The following SHPRH variants were observed in gnomAD, a reference collection of about 807,000 sequenced individuals.
SHPRH encodes the protein E3 ubiquitin-protein ligase SHPRH.
SHPRH carries 106 observed loss-of-function variants against 202.5 expected under a neutral mutation model. The ratio of observed to expected loss-of-function variants is 0.52; its 90% CI spans 0.45 to 0.62. The LOEUF (loss-of-function observed/expected upper bound fraction) is 0.62. Ranked by LOEUF, SHPRH falls within the 20% of genes least tolerant of loss-of-function variation. SHPRH has a pLI of 0.00. For missense variants in SHPRH, 1,710 were observed against 2,020.0 expected, an observed-to-expected ratio of 0.85 and a Z score of 2.94; for synonymous variants, 729 against 686.0, an observed-to-expected ratio of 1.06 and a Z score of -0.98.
At position 145,945,649 on chromosome 6, in the gene SHPRH, AG is replaced by A; in HGVS notation, c.1322-13del. On this transcript the variant is annotated splice_polypyrimidine_tract_variant and intron_variant, in intron 7 of 29. Coordinates refer to ENST00000275233, the MANE Select transcript of SHPRH (RefSeq NM_001042683.3). ...CATCACACGTGTAGCTAAATGTAAA[AG>A]GATATGCTAAATCAGTCAAAATAAT... 6.3e-7 allele frequency: 1 copy of A among 1,588,822 alleles called. No homozygotes were observed.
At chr6:145,877,625 T>C (rs1284936657) in intron 2 of SHPRH, 2 of 152,234 alleles carry the variant, frequency 1.3e-5, no homozygotes, top group Non-Finnish European at 2.9e-5. Context: ...TTTTATTTTC[T>C]TTCCTTTCTT....
intron 3 of SHPRH, among the ~76,000 whole-genome samples, chr6:145,950,768 G>A (rs1471550957): frequency 6.6e-6 from 1 of 151,964 alleles, no homozygotes; most frequent in Non-Finnish European, 1.5e-5. Context: ...TAATCTATCT[G>A]GTACTGCAAA....
downstream of SHPRH, among the ~76,000 whole-genome samples, chr6:145,881,276 T>G (rs1217050619): frequency 1.3e-5 from 2 of 152,194 alleles, no homozygotes; most frequent in Admixed American, 1.3e-4. Context: ...TCCCCAAGAC[T>G]GGGTAATTTA....
In SHPRH at chr6:145,943,176, G is replaced by A. The variant is rs1786980339; in HGVS notation, c.2205C>T (p.Asn735=). Residue 735 remains asparagine (N), a synonymous_variant, in exon 9 of 30, where the codon AAC becomes AAT. Transcript: ENST00000275233. ...GAAGAGATGACGACCTCACATGCCT[G>A]TTGATCTCATCCACCCACTGGTGAC... ...SICHQWVDEI[N]RHVRSSSLRV... The A allele has an allele frequency of 1.2e-6, 2 of 1,610,416 alleles. No individual in the cohort carries two copies. The highest frequency in any genetic ancestry group is 3.3e-5 in the Admixed American group (2 of 59,774).
Position 145,937,022 on chromosome 6 carries a change from C to T in SHPRH, c.2570-1581G>A, listed in dbSNP as rs9399570. ...TTTTTGAGACAGAGTCTTGCTCTGT[C>T]GCCCAGGCTGGAGGGCAACGGTGCA... On this transcript the variant is annotated intron_variant, in intron 11 of 29. Transcript: ENST00000275233. 4.4e-3 allele frequency among the ~76,000 whole-genome samples: 617 copies of T among 140,562 alleles called. 24 individuals are homozygous for T. The East Asian group carries it at 0.078, about 18-fold the overall frequency. 92.2% of individuals were successfully genotyped at this position (140,562 alleles called of 152,430 possible). A position where few individuals can be genotyped will look rare whatever the true frequency, so the allele number is the denominator to read the frequency against.
chr6:145,877,334 C>G (rs1167246801), intron 2 of SHPRH, among the ~76,000 whole-genome samples: 1 of 152,110 alleles, frequency 6.6e-6, no homozygotes, highest in East Asian at 1.9e-4. Context: ...TATTGTCTAT[C>G]TTTTGACTAT....
Position 145,950,406 on chromosome 6 carries a change from C to A in SHPRH, c.840G>T (p.Val280=). The change falls in exon 4 of 30, where the codon GTG becomes GTT. Residue 280 remains valine, a synonymous_variant. Coordinates refer to ENST00000275233, the MANE Select transcript of SHPRH (RefSeq NM_001042683.3). ...GCGTTTCTTGCTGATGTGTTTGTTT[C>A]ACAAAGTGATACAGCTCGTCAATGT... is the stretch of plus-strand genomic sequence containing the variant. ...GQDIDELYHF[V]KQTHQQETQS... The A allele has an allele frequency of 6.2e-7, 1 of 1,613,322 alleles. No individual in the cohort carries two copies. Among genetic ancestry groups the A allele is most frequent in the East Asian group, 2.2e-5 (1 of 44,868 alleles).
chr6:145,936,978 C>CTTCTT (rs1390044172), intron 11 of SHPRH, among the ~76,000 whole-genome samples: 38 of 125,662 alleles, frequency 3.0e-4, no homozygotes, highest in African/African-American at 1.1e-3. Context: ...CATGCTTCAT[C>CTTCTT]TTTTTTTTTT....
intron 2 of SHPRH, among the ~76,000 whole-genome samples, chr6:145,868,702 T>C (rs926459540): frequency 2.0e-5 from 3 of 152,296 alleles, no homozygotes; most frequent in Middle Eastern, 3.4e-3. Flanking sequence ...GCTTAGTATA[T>C]TCAATCTGAA....
At chr6:145,963,253 G>A (rs1232136941) in intron 1 of SHPRH, among the ~76,000 whole-genome samples, 1 of 152,090 alleles carries the variant, frequency 6.6e-6, no homozygotes, top group Non-Finnish European at 1.5e-5. Flanking sequence ...ATCATGGATC[G>A]TTTCTATTCA....
chr6:145,865,850 T>C (rs1440279110), intron 2 of SHPRH, among the ~76,000 whole-genome samples: 1 of 152,242 alleles, frequency 6.6e-6, no homozygotes, highest in Non-Finnish European at 1.5e-5. Context: ...TTTTTTTTCT[T>C]TTTTGGTAAC....
downstream of SHPRH, among the ~76,000 whole-genome samples, chr6:145,879,910 C>CAAAAAAAAAAAAAAAAAAAA (rs67055862): frequency 3.3e-5 from 2 of 61,108 alleles, no homozygotes; most frequent in South Asian, 5.5e-4. Context: ...AACTCAATCT[C>CAAAAAAAAAAAAAAAAAAAA]AAAAAAAAAA....
chr6:145,860,311 C>T (rs1047067862), downstream of SHPRH, among the ~76,000 whole-genome samples: 11 of 151,922 alleles, frequency 7.2e-5, no homozygotes, highest in Non-Finnish European at 1.5e-4. Flanking sequence ...AGTTACATTA[C>T]AGAACACAAA....
At chr6:145,896,571 G>A (rs1782029454) in intron 25 of SHPRH, among the ~76,000 whole-genome samples, 1 of 152,012 alleles carries the variant, frequency 6.6e-6, no homozygotes, top group Non-Finnish European at 1.5e-5. Flanking sequence ...CAGTGGTAGT[G>A]CTCAATGATC....
rs1780104447 is a variant in SHPRH, at chr6:145,872,582, T to C, written c.222-8091A>G. Among the ~76,000 whole-genome samples the C allele has an allele frequency of 5.9e-5, 9 of 152,176 alleles. 1 individual carries two copies. The highest frequency in any genetic ancestry group is 5.9e-4 in the Admixed American group (9 of 15,276). On this transcript the variant is annotated intron_variant, in intron 2 of 2. Transcript: ENST00000417762. ...TGAAGAAAAAGGAACACTTTAATAC[T>C]GTTGGTGGGAGTGTAAATTAGTTCA...
At chr6:145,938,819 C>T (rs1185266210) in intron 11 of SHPRH, among the ~76,000 whole-genome samples, 1 of 152,154 alleles carries the variant, frequency 6.6e-6, no homozygotes, top group African/African-American at 2.4e-5. Context: ...CTATATTATA[C>T]AAATGAATAC....
At chr6:145,928,503 T>G (rs1336558672) in intron 14 of SHPRH, among the ~76,000 whole-genome samples, 1 of 151,954 alleles carries the variant, frequency 6.6e-6, no homozygotes, top group Non-Finnish European at 1.5e-5. Context: ...GAATATCATG[T>G]AATTAGGACC....
intron 25 of SHPRH, among the ~76,000 whole-genome samples, chr6:145,903,004 A>G (rs1782634569): frequency 6.6e-6 from 1 of 152,106 alleles, no homozygotes; most frequent in African/African-American, 2.4e-5. Flanking sequence ...CTAACAGTTC[A>G]GAATTACAAG....
At chr6:145,886,859 C>A in intron 29 of SHPRH, 72 bp from the exon 30 acceptor site, 4 of 1,460,570 alleles carry the variant, frequency 2.7e-6, no homozygotes, top group Non-Finnish European at 3.7e-6. Context: ...TGTAGTAATA[C>A]GAACTAGACA....
Sources: gnomAD v4.1 joint callset for allele counts (sites outside exome capture counted in the v4.1 genomes callset) on GRCh38, gnomAD v4.1.1 for gene constraint, MANE v1.5 for transcripts, NCBI Gene and HGNC (gene_info 2026-07-23, HGNC 2026-07-21) for gene names.